SKA3: variants seen among roughly 807,000 people sequenced by gnomAD.
SKA3 encodes the protein spindle and kinetochore-associated protein 3.
SKA3 carries 39 observed loss-of-function variants against 44.2 expected under a neutral mutation model. That is an observed-to-expected ratio of 0.88 (90% CI 0.68 to 1.15). SKA3 has a LOEUF of 1.15. Ranked by LOEUF, SKA3 falls within the 50% of genes most tolerant of loss-of-function variation. The probability of loss-of-function intolerance (pLI) is 0.00; values close to 1 mark genes in which losing one functional copy is unlikely to be tolerated. For missense variants in SKA3, 511 were observed against 485.8 expected, an observed-to-expected ratio of 1.05 and a Z score of -0.49; for synonymous variants, 192 against 172.0, an observed-to-expected ratio of 1.12 and a Z score of -0.91.
chr13:21,170,914 T>TGTAC (rs1565996242), intron 3 of SKA3, among the ~76,000 whole-genome samples: 1 of 151,098 alleles, frequency 6.6e-6, no homozygotes, highest in Admixed American at 6.6e-5. Context: ...GTTGTTTGTA[T>TGTAC]GTATGTATGT....
In SKA3 at chr13:21,176,422, T is replaced by G. The variant is rs774613258; in HGVS notation, c.56A>C (p.Asp19Ala). ...TCGCTGCAGCCGGGCCGTCTCGCAG[T>G]CCAGCGTGCTGGCCAGAGACCGCAG... Reference protein sequence around the residue: ...GKLRSLASTLDCETARLQRAL... With the variant: ...GKLRSLASTLACETARLQRAL... The change falls in exon 1 of 9, where the codon GAC becomes GCC. Residue 19 changes from aspartate to alanine, a missense_variant. Coordinates refer to ENST00000314759, the MANE Select transcript of SKA3 (RefSeq NM_145061.6). The G allele has an allele frequency of 6.9e-6, 11 of 1,586,134 alleles. No homozygotes were observed. In the Admixed American group the frequency reaches 1.8e-4, roughly 26 times the overall value.
rs183170569 is a variant in SKA3 at position 21,159,860 on chromosome 13, T to G, written c.915+42A>C. On this transcript the variant is annotated intron_variant, in intron 6 of 8. Transcript: ENST00000314759. ...CTGCAAGCAGTAGTGTATTTGAGTCTTTAGGAGAAAGACTGTGGCTTTCAA... is the reference window on the plus strand; with the variant it reads ...CTGCAAGCAGTAGTGTATTTGAGTCGTTAGGAGAAAGACTGTGGCTTTCAA... 11,649 of 1,497,622 alleles carry G rather than the reference T, an allele frequency of 7.8e-3. 60 individuals are homozygous for G. The highest frequency in any genetic ancestry group is 9.4e-3 in the Non-Finnish European group (10,232 of 1,093,364). The allele number at this position is 1,497,622 out of a possible 1,614,324, so 92.8% of individuals were successfully genotyped here. A position where few individuals can be genotyped will look rare whatever the true frequency, so the allele number is the denominator to read the frequency against.
intron 1 of SKA3, among the ~76,000 whole-genome samples, chr13:21,173,343 A>G (rs894073363): frequency 6.6e-6 from 1 of 151,710 alleles, no homozygotes; most frequent in Non-Finnish European, 1.5e-5. Context: ...TGCAACCTTC[A>G]CCTCCCGGAT....
chr13:21,168,416 G>C lies in SKA3; in HGVS notation c.332-17C>G. ...GCTCGTGTACTAGGAGGAAAAATCA[G>C]AATATTCTGGTCAAACTCAAAATGG... On this transcript the variant is annotated splice_polypyrimidine_tract_variant and intron_variant, in intron 3 of 8. Transcript: ENST00000314759. 1 of 1,162,674 alleles carries C rather than the reference G, an allele frequency of 8.6e-7. No homozygotes were observed. The highest frequency in any genetic ancestry group is 1.1e-6 in the Non-Finnish European group (1 of 883,496). The allele number at this position is 1,162,674 out of a possible 1,614,324, so 72.0% of individuals were successfully genotyped here. A position where few individuals can be genotyped will look rare whatever the true frequency, so the allele number is the denominator to read the frequency against.
Position 21,155,794 on chromosome 13 carries a change from G to A in SKA3, c.1137C>T (p.Asn379=), listed in dbSNP as rs1300544375. 2 of 1,544,846 alleles carry A rather than the reference G, an allele frequency of 1.3e-6. No individual in the cohort carries two copies. The highest frequency in any genetic ancestry group is 8.8e-7 in the Non-Finnish European group (1 of 1,130,418). Residue 379 remains asparagine, a synonymous_variant, in exon 8 of 9, where the codon AAC becomes AAT. Transcript: ENST00000314759. ...TTGCTATTGGAGTAGCTAGGTTTGA[G>A]TTGTATTTTGATAAAAGCTAAAAAA... The part of the protein sequence containing the change: ...EDILQLLSKY[N]SNLATPIAIK...
intron 3 of SKA3, among the ~76,000 whole-genome samples, chr13:21,171,831 C>T (rs1871071847): frequency 1.3e-5 from 2 of 152,162 alleles, no homozygotes; most frequent in Non-Finnish European, 2.9e-5. Context: ...TGAACTCAGG[C>T]ATTTTGACTC....
rs1555233625 is a variant in SKA3, at chr13:21,155,823, A to AG, written c.1120-13_1120-12insC. On this transcript the variant is annotated splice_polypyrimidine_tract_variant and intron_variant, in intron 7 of 8. Transcript: ENST00000314759. ...TATTTTGATAAAAGCTAAAAAAAAA[A>AG]AAGGAAATTCCTTTTTATCGAGCCA... The AG allele has an allele frequency of 9.5e-7, 1 of 1,047,704 alleles. No individual in the cohort carries two copies. The highest frequency in any genetic ancestry group is 1.5e-5 in the African/African-American group (1 of 64,572). The allele number at this position is 1,047,704 out of a possible 1,614,324, so 64.9% of individuals were successfully genotyped here.
rs1870809440 is a variant in SKA3, at chr13:21,167,997, T to C, written c.734A>G (p.Asn245Ser). 2 of 1,578,302 alleles carry C rather than the reference T, an allele frequency of 1.3e-6. No individual in the cohort carries two copies. Among genetic ancestry groups the C allele is most frequent in the Non-Finnish European group, 1.7e-6 (2 of 1,162,278 alleles). ...TAACAGAGCTGCTTACCTTTTATTA[T>C]TCCTCGCATTTTTAAGTCCCATTGT... ...DYTMGLKNARNNKSEEAIDTE... is the reference protein window; with the variant it reads ...DYTMGLKNARSNKSEEAIDTE... The change falls in exon 4 of 9, where the codon AAT (asparagine) becomes AGT (serine). Residue 245 changes from asparagine (N) to serine (S), a missense_variant. Transcript: ENST00000314759.
intron 5 of SKA3, among the ~76,000 whole-genome samples, chr13:21,160,424 A>C (rs1870375506): frequency 6.6e-6 from 1 of 151,890 alleles, no homozygotes; most frequent in Non-Finnish European, 1.5e-5. Flanking sequence ...AACAAGAGAG[A>C]CCCATGCATA....
At chr13:21,163,784 G>T (rs947110834) in intron 4 of SKA3, among the ~76,000 whole-genome samples, 3 of 152,156 alleles carry the variant, frequency 2.0e-5, no homozygotes, top group African/African-American at 7.2e-5. Flanking sequence ...TTTGTTTTGA[G>T]ATGGAGTCTC....
In SKA3 at chr13:21,169,834, C is replaced by T. The variant is rs376216613; in HGVS notation, c.332-1435G>A. Among the ~76,000 whole-genome samples the T allele has an allele frequency of 1.3e-3, 196 of 152,194 alleles. 1 individual carries two copies. The highest frequency in any genetic ancestry group is 6.6e-3 in the East Asian group (34 of 5,164). On this transcript the variant is annotated intron_variant, in intron 3 of 8. Coordinates refer to ENST00000314759, the MANE Select transcript of SKA3 (RefSeq NM_145061.6). The stretch of plus-strand genomic sequence containing the variant: ...TGTACTTTTTGTAGAGATAGGGTTT[C>T]GCCATGTTGCCCAGGCTGGTCTTGA...
At chr13:21,173,411 T>A (rs1048459230) in intron 1 of SKA3, among the ~76,000 whole-genome samples, 2 of 152,168 alleles carry the variant, frequency 1.3e-5, no homozygotes, top group Non-Finnish European at 2.9e-5. Flanking sequence ...TGTGCGCCAC[T>A]ACATCTGGCT....
intron 5 of SKA3, among the ~76,000 whole-genome samples, chr13:21,161,201 T>G (rs146545218): frequency 0.03 from 4,494 of 152,188 alleles, 206 homozygotes; most frequent in African/African-American, 0.097. Flanking sequence ...GCCTGGGAAG[T>G]TGAGGCTGCA....
At chr13:21,175,199 A>T (rs1186515658) in intron 1 of SKA3, among the ~76,000 whole-genome samples, 1 of 150,836 alleles carries the variant, frequency 6.6e-6, no homozygotes, top group Non-Finnish European at 1.5e-5. Flanking sequence ...GCTGGTCTTG[A>T]ACTCCTGACC....
At chr13:21,166,160 G>A (rs1870701410) in intron 4 of SKA3, among the ~76,000 whole-genome samples, 1 of 151,746 alleles carries the variant, frequency 6.6e-6, no homozygotes, top group African/African-American at 2.4e-5. Flanking sequence ...TGGGATTATA[G>A]GCGCCCTCCA....
At chr13:21,169,026 CTT>C (rs1239554956) in intron 3 of SKA3, among the ~76,000 whole-genome samples, 1 of 145,746 alleles carries the variant, frequency 6.9e-6, no homozygotes, top group Non-Finnish European at 1.5e-5. Flanking sequence ...TTTTTTCTTT[CTT>C]TTTTTTTTTT....
intron 4 of SKA3, among the ~76,000 whole-genome samples, chr13:21,165,886 G>A (rs1390872135): frequency 6.6e-6 from 1 of 152,114 alleles, no homozygotes; most frequent in Non-Finnish European, 1.5e-5. Flanking sequence ...AGTGAGCTGA[G>A]ATTGCCCCAG....
chr13:21,161,225 G>A (rs1240937552), intron 5 of SKA3, among the ~76,000 whole-genome samples: 1 of 152,116 alleles, frequency 6.6e-6, no homozygotes, highest in Non-Finnish European at 1.5e-5. Flanking sequence ...AGCCAAGATC[G>A]TGCCACTACA....
chr13:21,161,804 T>G lies in SKA3; in HGVS notation c.815A>C (p.Gln272Pro). The change falls in exon 5 of 9, where the codon CAG becomes CCG. Residue 272 changes from glutamine to proline, a missense_variant. Coordinates refer to ENST00000314759, the MANE Select transcript of SKA3 (RefSeq NM_145061.6). ...VFATPSPIIQ[Q>P]LEKSDAEYTN... ...CTTATACTTACCACTTTTTTCCAACTGCTGGATGATGGGGCTGGGAGTGGC... is the reference window on the plus strand; with the variant it reads ...CTTATACTTACCACTTTTTTCCAACGGCTGGATGATGGGGCTGGGAGTGGC... The G allele has an allele frequency of 6.2e-7, 1 of 1,611,850 alleles. No homozygotes were observed. The highest frequency in any genetic ancestry group is 8.5e-7 in the Non-Finnish European group (1 of 1,178,590).
Sources: gnomAD v4.1 joint callset for allele counts (sites outside exome capture counted in the v4.1 genomes callset) on GRCh38, gnomAD v4.1.1 for gene constraint, MANE v1.5 for transcripts, NCBI Gene and HGNC (gene_info 2026-07-23, HGNC 2026-07-21) for gene names.